Variants in MCU observed in about 807,000 individuals in gnomAD.
MCU encodes the protein calcium uniporter protein, mitochondrial.
Under a neutral mutation model 45.2 loss-of-function variants are expected in MCU, and 12 were observed. That is an observed-to-expected ratio of 0.27 (90% CI 0.17 to 0.43). The LOEUF (loss-of-function observed/expected upper bound fraction) is 0.43, where lower values mean the gene tolerates loss of function less well. MCU is among the 20% of genes least tolerant of loss of function. The pLI, the probability that MCU is intolerant of heterozygous loss-of-function variation, is 1.00. For missense variants in MCU, 324 were observed against 436.7 expected (o/e 0.74, Z 2.30); for synonymous variants, 160 against 165.1 (o/e 0.97, Z 0.24).
chr10:72,703,414 C>T (rs1172763315), intron 1 of MCU, among the ~76,000 whole-genome samples: 1 of 152,164 alleles, frequency 6.6e-6, no homozygotes, highest in African/African-American at 2.4e-5. Context: ...CATATAAACC[C>T]CCAAACAGTG....
At chr10:72,874,868 T>C (rs1218812152) in intron 6 of MCU, among the ~76,000 whole-genome samples, 1 of 152,340 alleles carries the variant, frequency 6.6e-6, no homozygotes, top group Admixed American at 6.5e-5. Context: ...TTGTGGACTT[T>C]CCATTTCCTT....
At chr10:72,779,543 A>C (rs986957152) in intron 1 of MCU, among the ~76,000 whole-genome samples, 1 of 152,224 alleles carries the variant, frequency 6.6e-6, no homozygotes, top group Non-Finnish European at 1.5e-5. Flanking sequence ...TTGTTAGAGG[A>C]CTTGCATCCA....
intron 6 of MCU, among the ~76,000 whole-genome samples, chr10:72,875,923 G>T (rs1209493285): frequency 3.9e-5 from 6 of 152,208 alleles, no homozygotes; most frequent in Admixed American, 3.9e-4. Flanking sequence ...TGCCTCATAG[G>T]AGTGAGCATT....
At chr10:72,776,685 G>A (rs1340995024) in intron 1 of MCU, among the ~76,000 whole-genome samples, 6 of 152,094 alleles carry the variant, frequency 3.9e-5, no homozygotes, top group African/African-American at 1.4e-4. Flanking sequence ...TTTTACCACT[G>A]TTATTCAGCA....
intron 1 of MCU, chr10:72,708,384 G>A (rs746991876): frequency 6.6e-6 from 1 of 152,218 alleles, no homozygotes; most frequent in Non-Finnish European, 1.5e-5. Flanking sequence ...AGATGGGACT[G>A]TACTAGTAAT....
At chr10:72,751,636 G>T (rs921040390) in intron 1 of MCU, among the ~76,000 whole-genome samples, 5 of 151,826 alleles carry the variant, frequency 3.3e-5, no homozygotes, top group Non-Finnish European at 5.9e-5. Flanking sequence ...GATTACGGGT[G>T]TGAGCCGCTG....
At chr10:72,857,919 C>T (rs528428279) in intron 2 of MCU, among the ~76,000 whole-genome samples, 2 of 152,266 alleles carry the variant, frequency 1.3e-5, no homozygotes, top group Admixed American at 1.3e-4. Context: ...TCTTAAACAT[C>T]TGAGTTTTGG....
chr10:72,829,678 A>G (rs571015829), intron 1 of MCU, among the ~76,000 whole-genome samples: 1 of 151,780 alleles, frequency 6.6e-6, no homozygotes, highest in East Asian at 1.9e-4. Context: ...TTCTTGTGAC[A>G]TGTTAAAAAT....
Position 72,807,373 on chromosome 10 carries a change from TA to T in MCU, c.151-26973del, listed in dbSNP as rs879801803. Among the ~76,000 whole-genome samples the T allele has an allele frequency of 7.7e-3, 1,109 of 143,836 alleles. 10 individuals are homozygous for T. The highest frequency in any genetic ancestry group is 0.022 in the African/African-American group (880 of 39,532). The allele number at this position is 143,836 out of a possible 152,430, so 94.4% of individuals were successfully genotyped here. On this transcript the variant is annotated intron_variant, in intron 1 of 7. Coordinates refer to ENST00000373053, the MANE Select transcript of MCU (RefSeq NM_138357.3). Reference sequence around the variant, plus strand: ...GCCAAGTGCACTTCTTCTGAAATCTTAAAAAAAAAAAAAGTGACAGTGCTTC... The same window carrying T: ...GCCAAGTGCACTTCTTCTGAAATCTTAAAAAAAAAAAAGTGACAGTGCTTC...
chr10:72,735,521 C>T (rs1843241266), intron 1 of MCU, among the ~76,000 whole-genome samples: 1 of 152,082 alleles, frequency 6.6e-6, no homozygotes, highest in Non-Finnish European at 1.5e-5. Context: ...AGAATGAGGA[C>T]TATGATTGTC....
At chr10:72,879,498 A>G (rs1443694445) in intron 6 of MCU, among the ~76,000 whole-genome samples, 2 of 152,208 alleles carry the variant, frequency 1.3e-5, no homozygotes, top group African/African-American at 4.8e-5. Flanking sequence ...AGACTTCTAT[A>G]CTCAGCAAAA....
intron 2 of MCU, among the ~76,000 whole-genome samples, chr10:72,844,461 C>T (rs546702088): frequency 6.6e-6 from 1 of 152,072 alleles, no homozygotes; most frequent in Non-Finnish European, 1.5e-5. Flanking sequence ...TGTAGCTACT[C>T]AGGAGGCTGA....
At chr10:72,800,759 A>G (rs12785068) in intron 1 of MCU, among the ~76,000 whole-genome samples, 1 of 152,240 alleles carries the variant, frequency 6.6e-6, no homozygotes, top group African/African-American at 2.4e-5. Flanking sequence ...CCTTGCCGTC[A>G]TGCATTTTTA....
At chr10:72,739,013 T>A (rs979049195) in intron 1 of MCU, among the ~76,000 whole-genome samples, 2 of 152,214 alleles carry the variant, frequency 1.3e-5, no homozygotes, top group Admixed American at 1.3e-4. Flanking sequence ...CAAAAACATA[T>A]TTGGTTATGT....
intron 1 of MCU, among the ~76,000 whole-genome samples, chr10:72,723,782 G>A (rs1431281816): frequency 6.6e-6 from 1 of 152,130 alleles, no homozygotes; most frequent in Non-Finnish European, 1.5e-5. Flanking sequence ...GATTTTAAAG[G>A]TAAACATTCT....
chr10:72,692,477 A>AAGGG (rs1842635197), intron 1 of MCU, 176 bp downstream of exon 1: 1 of 448,810 alleles, frequency 2.2e-6, no homozygotes, highest in Non-Finnish European at 2.9e-6. Context: ...GGCGACCAGG[A>AAGGG]AGGGAGGGCG....
intron 1 of MCU, among the ~76,000 whole-genome samples, chr10:72,758,534 A>G (rs1214551027): frequency 6.6e-6 from 1 of 152,210 alleles, no homozygotes; most frequent in Non-Finnish European, 1.5e-5. Flanking sequence ...GAGAAAGGGA[A>G]ATAGTTACTA....
chr10:72,771,884 G>GT (rs1178961422), intron 1 of MCU, among the ~76,000 whole-genome samples: 1 of 152,176 alleles, frequency 6.6e-6, no homozygotes, highest in Non-Finnish European at 1.5e-5. Flanking sequence ...TAAGCAGACA[G>GT]TAGGAGAATC....
At chr10:72,743,221 C>A (rs551162987) in intron 1 of MCU, among the ~76,000 whole-genome samples, 40 of 151,532 alleles carry the variant, frequency 2.6e-4, no homozygotes, top group African/African-American at 9.7e-4. Context: ...CCAGCCTGGT[C>A]AGTATTGTGA....
Sources: gnomAD v4.1 joint callset for allele counts (sites outside exome capture counted in the v4.1 genomes callset) on GRCh38, gnomAD v4.1.1 for gene constraint, MANE v1.5 for transcripts, NCBI Gene and HGNC (gene_info 2026-07-23, HGNC 2026-07-21) for gene names.